The following FUT9 variants were observed in gnomAD, a reference collection of about 807,000 sequenced individuals.
FUT9 encodes the protein fucosyltransferase 9.
FUT9 carries 15 observed loss-of-function variants against 29.7 expected under a neutral mutation model. The ratio of observed to expected loss-of-function variants is 0.51; its 90% CI spans 0.34 to 0.78. The LOEUF (loss-of-function observed/expected upper bound fraction) is 0.78. Ranked by LOEUF, FUT9 falls within the 30% of genes least tolerant of loss-of-function variation. The pLI is 0.01. For synonymous variants in FUT9, 169 were observed against 153.7 expected, an observed-to-expected ratio of 1.10 and a Z score of -0.74; for missense variants, 319 against 425.4, an observed-to-expected ratio of 0.75 and a Z score of 2.20.
At chr6:96,135,558 A>T (rs956815610) in intron 2 of FUT9, among the ~76,000 whole-genome samples, 3 of 151,978 alleles carry the variant, frequency 2.0e-5, no homozygotes, top group African/African-American at 7.2e-5. Context: ...CATTGGGAAT[A>T]TAATAATATT....
At chr6:96,057,207 TAA>T (rs978577208) in intron 1 of FUT9, among the ~76,000 whole-genome samples, 5 of 152,202 alleles carry the variant, frequency 3.3e-5, no homozygotes, top group African/African-American at 1.2e-4. Context: ...ATAATAATAA[TAA>T]AAGAGAGGTT....
At chr6:96,076,314 T>C (rs1771142002) in intron 1 of FUT9, among the ~76,000 whole-genome samples, 1 of 152,208 alleles carries the variant, frequency 6.6e-6, no homozygotes, top group African/African-American at 2.4e-5. Flanking sequence ...CTTTACACAA[T>C]GTTAAGGACT....
chr6:96,140,731 G>A (rs370791480), intron 2 of FUT9, among the ~76,000 whole-genome samples: 67 of 152,146 alleles, frequency 4.4e-4, no homozygotes, highest in African/African-American at 1.5e-3. Flanking sequence ...GCTGTCACAA[G>A]AACAACACAG....
At chr6:96,040,186 A>G (rs925008057) in intron 1 of FUT9, among the ~76,000 whole-genome samples, 2 of 152,182 alleles carry the variant, frequency 1.3e-5, no homozygotes, top group African/African-American at 2.4e-5. Flanking sequence ...CCCACTGCCT[A>G]ACCAAGTGCC....
chr6:96,082,615 T>A (rs1454950282), intron 1 of FUT9, among the ~76,000 whole-genome samples: 1 of 151,974 alleles, frequency 6.6e-6, no homozygotes, highest in South Asian at 2.1e-4. Flanking sequence ...TGTCCCTTAT[T>A]TAGCAGAGAG....
At chr6:96,146,132 C>G (rs939723298) in intron 2 of FUT9, among the ~76,000 whole-genome samples, 4 of 152,150 alleles carry the variant, frequency 2.6e-5, no homozygotes, top group African/African-American at 9.7e-5. Flanking sequence ...AGCTACCACA[C>G]TGGGCCAGAT....
At chr6:96,035,436 C>T (rs886339940) in intron 1 of FUT9, among the ~76,000 whole-genome samples, 12 of 151,080 alleles carry the variant, frequency 7.9e-5, no homozygotes, top group Admixed American at 6.0e-4. Context: ...TCCTTTGCCA[C>T]CCATAACCTT....
intron 2 of FUT9, among the ~76,000 whole-genome samples, chr6:96,202,565 A>G (rs1424853274): frequency 6.6e-6 from 1 of 152,192 alleles, no homozygotes; most frequent in African/African-American, 2.4e-5. Flanking sequence ...GTTTTTTAAA[A>G]ATGTATCAAA....
rs189585004 is a variant in FUT9, at chr6:96,145,279, C to T, written c.-9+31152C>T. Among the ~76,000 whole-genome samples the T allele has an allele frequency of 8.0e-4, 122 of 152,150 alleles. 5 individuals carry two copies. The South Asian group carries it at 0.016, about 20-fold the overall frequency. ...TTCACCGTGTTAGCTAGGATGGTCT[C>T]GATCTCCTGACCGTGATCCGCCCGC... is the stretch of plus-strand genomic sequence containing the variant. On this transcript the variant is annotated intron_variant, in intron 2 of 2. Coordinates refer to ENST00000302103, the MANE Select transcript of FUT9 (RefSeq NM_006581.4).
intron 2 of FUT9, among the ~76,000 whole-genome samples, chr6:96,166,424 GC>G (rs1289558605): frequency 6.6e-6 from 1 of 151,978 alleles, no homozygotes; most frequent in Non-Finnish European, 1.5e-5. Flanking sequence ...ATTTAAAAAT[GC>G]CAATATGCTG....
chr6:96,160,269 A>C (rs983059951), intron 2 of FUT9, among the ~76,000 whole-genome samples: 35 of 152,284 alleles, frequency 2.3e-4, no homozygotes, highest in Middle Eastern at 3.4e-3. Context: ...GTCAGGGGAA[A>C]GAGTGGGGAG....
chr6:96,102,114 A>G (rs1454063040), intron 1 of FUT9, among the ~76,000 whole-genome samples: 1 of 152,168 alleles, frequency 6.6e-6, no homozygotes, highest in South Asian at 2.1e-4. Flanking sequence ...GTATGCAGAT[A>G]TAAACTTTCT....
At chr6:96,201,530 C>T (rs914035619) in intron 2 of FUT9, among the ~76,000 whole-genome samples, 8 of 151,360 alleles carry the variant, frequency 5.3e-5, no homozygotes, top group African/African-American at 9.7e-5. Context: ...TTGAGTTGAC[C>T]GATTTGTTAA....
chr6:96,105,531 A>C (rs757045819), intron 1 of FUT9, among the ~76,000 whole-genome samples: 3 of 152,326 alleles, frequency 2.0e-5, no homozygotes, highest in Middle Eastern at 3.4e-3. Flanking sequence ...TTTGTTGATT[A>C]CAAAATACAT....
intron 1 of FUT9, among the ~76,000 whole-genome samples, chr6:96,075,682 C>A (rs78690955): frequency 0.022 from 3,404 of 152,066 alleles, 65 homozygotes; most frequent in East Asian, 0.079. Context: ...ACATTTTAAA[C>A]CTTTAGATGT....
At chr6:96,128,172 A>C (rs4461739) in intron 2 of FUT9, among the ~76,000 whole-genome samples, 1 of 151,980 alleles carries the variant, frequency 6.6e-6, no homozygotes, top group African/African-American at 2.4e-5. Flanking sequence ...CAGTATAACA[A>C]AAAAAGATAC....
At chr6:96,094,948 G>A (rs1369846051) in intron 1 of FUT9, among the ~76,000 whole-genome samples, 3 of 152,012 alleles carry the variant, frequency 2.0e-5, no homozygotes, top group Non-Finnish European at 4.4e-5. Flanking sequence ...CCCATCTCCT[G>A]AGCAGTGTAC....
intron 2 of FUT9, among the ~76,000 whole-genome samples, chr6:96,192,887 G>T (rs1381721039): frequency 6.6e-6 from 1 of 151,740 alleles, no homozygotes; most frequent in Non-Finnish European, 1.5e-5. Flanking sequence ...AGAGCCCTCC[G>T]AAATAATGCT....
chr6:96,136,237 G>A lies in FUT9; in HGVS notation c.-9+22110G>A, dbSNP rs965078367. The stretch of plus-strand genomic sequence containing the variant: ...AGGAAAATGTCACCAAGAGTAATTA[G>A]AAAGTCATTTGTCTTGACTTCCTCA... On this transcript the variant is annotated intron_variant, in intron 2 of 2. Coordinates refer to ENST00000302103, the MANE Select transcript of FUT9 (RefSeq NM_006581.4). Among the ~76,000 whole-genome samples the A allele has an allele frequency of 1.8e-4, 28 of 151,748 alleles. 1 individual carries two copies. The highest frequency in any genetic ancestry group is 6.8e-4 in the African/African-American group (28 of 41,362).
Sources: gnomAD v4.1 joint callset for allele counts (sites outside exome capture counted in the v4.1 genomes callset) on GRCh38, gnomAD v4.1.1 for gene constraint, MANE v1.5 for transcripts, NCBI Gene and HGNC (gene_info 2026-07-23, HGNC 2026-07-21) for gene names.